ECE2: variants seen among roughly 807,000 people sequenced by gnomAD.
The protein encoded by ECE2 is endothelin converting enzyme 2.
In ECE2, 81 loss-of-function variants were observed where a neutral mutation model predicts 100.6. That is an observed-to-expected ratio of 0.81 (90% CI 0.67 to 0.97). ECE2 has a LOEUF of 0.97. ECE2 is among the 50% of genes least tolerant of loss of function. The pLI, the probability that ECE2 is intolerant of heterozygous loss-of-function variation, is 0.00. For synonymous variants in ECE2, 391 were observed against 391.5 expected (o/e 1.00, Z 0.02); for missense variants, 911 against 988.1 (o/e 0.92, Z 1.05).
At position 184,276,033 on chromosome 3, in the gene ECE2, G is replaced by T; in HGVS notation, c.-121G>T. The T allele has an allele frequency of 9.1e-7, 1 of 1,103,988 alleles. No individual in the cohort carries two copies. The highest frequency in any genetic ancestry group is 1.1e-6 in the Non-Finnish European group (1 of 905,524). The allele number at this position is 1,103,988 out of a possible 1,614,324, so 68.4% of individuals were successfully genotyped here. On this transcript the variant is annotated 5_prime_UTR_variant, in exon 1 of 19. Transcript: ENST00000404464. ...GGGGGGGGGCGGCCGCGGCCGAGCG[G>T]GGGTGCTGCGCGGCGGCCGTGATGG...
chr3:184,289,614 A>C lies in ECE2; in HGVS notation c.1474-27A>C. ...GTTTTGCTAGGAACCTGGGGAAGGA[A>C]ACAAACCCTTAACCTGGTCTCTTCA... On this transcript the variant is annotated intron_variant, in intron 12 of 18. Coordinates refer to ENST00000404464, the MANE Select transcript of ECE2 (RefSeq NM_001100121.2). The surrounding 1 kb of genome is among the most constrained non-coding windows in gnomAD (Gnocchi z 4.1). 6.2e-7 allele frequency: 1 copy of C among 1,613,676 alleles called. No homozygotes were observed. Among genetic ancestry groups the C allele is most frequent in the Non-Finnish European group, 8.5e-7 (1 of 1,179,634 alleles).
chr3:184,283,386 C>G (rs879696521), intron 7 of ECE2, among the ~76,000 whole-genome samples: 1 of 151,146 alleles, frequency 6.6e-6, no homozygotes, highest in Non-Finnish European at 1.5e-5. Context: ...CATGGTGAAA[C>G]CCCGTCTCTA....
rs200245984 is a variant in ECE2, at chr3:184,291,044, C to A, written c.1839C>A (p.Arg613=). ...ELTHAFDDQG[R]EYDKEGNLRP... is the part of the protein sequence containing the mutation. ...GCAAAGGTGAGTTCTCCTCAGGGCG[C>A]GAGTATGACAAAGAAGGGAACCTGC... is the stretch of plus-strand genomic sequence containing the variant. Residue 613 remains arginine, a synonymous_variant, in exon 17 of 19, where the codon CGC becomes CGA. Transcript: ENST00000404464. This position sits in a 1 kb window ranked among gnomAD's most constrained non-coding sequence, Gnocchi z 4.1. 4 of 1,565,752 alleles carry A rather than the reference C, an allele frequency of 2.6e-6. No individual in the cohort carries two copies. In the South Asian group the frequency reaches 4.8e-5, roughly 19 times the overall value.
At chr3:184,284,086 GC>G in intron 8 of ECE2, 113 bp downstream of exon 8, 1 of 1,291,944 alleles carries the variant, frequency 7.7e-7, no homozygotes, top group Non-Finnish European at 1.1e-6. Context: ...TCATTCCCTT[GC>G]TTTTCTGTGC....
Position 184,290,291 on chromosome 3 carries a change from T to G in ECE2, c.1588T>G (p.Leu530Val). 1 of 1,614,168 alleles carries G rather than the reference T, an allele frequency of 6.2e-7. No homozygotes were observed. Among genetic ancestry groups the G allele is most frequent in the South Asian group, 1.1e-5 (1 of 91,074 alleles). ...ISEDSFFQNM[L>V]NLYNFSAKVM... ...TGAAGATTCTTTCTTCCAAAACATG[T>G]TGAATTTGTACAACTTCTCTGCCAA... Residue 530 changes from leucine (L) to valine (V), a missense_variant, in exon 14 of 19, where the codon TTG becomes GTG. Coordinates refer to ENST00000404464, the MANE Select transcript of ECE2 (RefSeq NM_001100121.2).
Position 184,276,147 on chromosome 3 carries a change from C to A in ECE2, c.-7C>A. The A allele has an allele frequency of 7.1e-7, 1 of 1,404,626 alleles. No individual in the cohort carries two copies. Among genetic ancestry groups the A allele is most frequent in the East Asian group, 2.9e-5 (1 of 35,064 alleles). 87.0% of individuals were successfully genotyped at this position (1,404,626 alleles called of 1,614,324 possible). ...AGCCCTGAATCACCGCCTGGCCCGA[C>A]TCCACCATGAACGTCGCGCTGCAGG... On this transcript the variant is annotated 5_prime_UTR_variant, in exon 1 of 19. Transcript: ENST00000404464.
At chr3:184,286,748 G>A (rs1284201246) in intron 10 of ECE2, among the ~76,000 whole-genome samples, 1 of 146,122 alleles carries the variant, frequency 6.8e-6, no homozygotes, top group Non-Finnish European at 1.5e-5. Context: ...AGTGACCTGA[G>A]ACTGCGTCAT....
chr3:184,292,441 C>A lies in ECE2; in HGVS notation c.*203C>A. 1 of 609,046 alleles carries A rather than the reference C, an allele frequency of 1.6e-6. No individual in the cohort carries two copies. The highest frequency in any genetic ancestry group is 2.9e-6 in the Non-Finnish European group (1 of 348,786). 37.7% of individuals were successfully genotyped at this position (609,046 alleles called of 1,614,324 possible). On this transcript the variant is annotated 3_prime_UTR_variant, in exon 19 of 19. Transcript: ENST00000404464. ...GGGGGTGCCCCTGCCTCCAGCAGAG[C>A]CCCCACCATTCACTGTGACATCTTT...
At position 184,278,592 on chromosome 3, in the gene ECE2, C is replaced by T. The variant is rs202150158; in HGVS notation, c.816+35C>T. The T allele has an allele frequency of 8.7e-6, 14 of 1,610,282 alleles. No homozygotes were observed. In the African/African-American group the frequency reaches 1.1e-4, roughly 12 times the overall value. On this transcript the variant is annotated intron_variant, in intron 7 of 18. Transcript: ENST00000404464. ...ATCTTCCGAACCCCCATCCCTACCC[C>T]TGGCTGAGCTGGGCTGATCCCTGTT...
Position 184,290,840 on chromosome 3 carries a change from C to T in ECE2, c.1814C>T (p.Thr605Met), listed in dbSNP as rs1231165786. ...GIGVVMGHEL[T>M]HAFDDQGREY... ...GGTGTGGTCATGGGCCATGAGTTGA[C>T]GCATGCCTTTGATGACCAAGGTAGG... Residue 605 changes from threonine to methionine, a missense_variant, in exon 16 of 19, where the codon ACG (threonine) becomes ATG (methionine). Thr to Met is a moderately conservative substitution (Grantham distance 81). Coordinates refer to ENST00000404464, the MANE Select transcript of ECE2 (RefSeq NM_001100121.2). 7.4e-6 allele frequency: 12 copies of T among 1,614,052 alleles called. No individual in the cohort carries two copies. The highest frequency in any genetic ancestry group is 3.3e-5 in the Admixed American group (2 of 60,006).
rs770191908 is a variant in ECE2 at position 184,291,212 on chromosome 3, G to T, written c.2007G>T (p.Gly669=). ...TLGENIADNG[G]LKAAYNAYKA... ...GGGAGAACATTGCTGACAACGGGGG[G>T]CTGAAGGCTGCCTACAATGTGAGTG... The change falls in exon 17 of 19, where the codon GGG becomes GGT. Residue 669 remains glycine, a synonymous_variant. Transcript: ENST00000404464. This position sits in a 1 kb window ranked among gnomAD's most constrained non-coding sequence, Gnocchi z 4.1. The T allele has an allele frequency of 1.4e-5, 22 of 1,612,166 alleles. No individual in the cohort carries two copies. Among genetic ancestry groups the T allele is most frequent in the Non-Finnish European group, 8.5e-7 (1 of 1,179,116 alleles).
rs767334389 is a variant in ECE2, at chr3:184,291,641, G to C, written c.2121+202G>C. 3.7e-6 allele frequency: 2 copies of C among 538,582 alleles called. No individual in the cohort carries two copies. The highest frequency in any genetic ancestry group is 3.8e-5 in the African/African-American group (2 of 52,126). 33.4% of individuals were successfully genotyped at this position (538,582 alleles called of 1,614,324 possible). ...AAAGGCAGCCTGAAGAGGCCTGAGCGGGAGAATGCCTTGGTAGGATTTCGC... is the reference window on the plus strand; with the variant it reads ...AAAGGCAGCCTGAAGAGGCCTGAGCCGGAGAATGCCTTGGTAGGATTTCGC... On this transcript the variant is annotated intron_variant, in intron 18 of 18. Transcript: ENST00000404464. The surrounding 1 kb of genome is among the most constrained non-coding windows in gnomAD (Gnocchi z 4.1).
At chr3:184,290,752 T>G (rs781760370) in intron 15 of ECE2, 41 bp from the exon 16 acceptor site, 2 of 1,612,966 alleles carry the variant, frequency 1.2e-6, no homozygotes, top group Non-Finnish European at 1.7e-6. Context: ...GATTCAGAAG[T>G]ACCCCCGCCA....
chr3:184,290,482 G>A (rs984101032), intron 14 of ECE2, 75 bp from the exon 15 acceptor site: 91 of 1,564,066 alleles, frequency 5.8e-5, no homozygotes, highest in Non-Finnish European at 7.8e-5. Context: ...CTTGCAGGAG[G>A]TAGGGCAGGG....
chr3:184,287,413 C>G (rs760829848), intron 10 of ECE2, among the ~76,000 whole-genome samples: 1 of 150,384 alleles, frequency 6.6e-6, no homozygotes, highest in Admixed American at 6.6e-5. Context: ...AGTTGTGGGC[C>G]GGGCACGGTG....
At chr3:184,276,609 T>G (rs1349544194) in intron 2 of ECE2, 42 bp downstream of exon 2, 2 of 1,592,498 alleles carry the variant, frequency 1.3e-6, no homozygotes, top group Non-Finnish European at 1.7e-6. Context: ...GCCCCAGCCC[T>G]GGCATGACGC....
intron 1 of ECE2, 77 bp downstream of exon 1, chr3:184,276,269 C>CA: frequency 7.0e-7 from 1 of 1,427,332 alleles, no homozygotes; most frequent in South Asian, 1.4e-5. Flanking sequence ...CGCGGAGGGG[C>CA]AGGCGGTGCC....
Position 184,290,211 on chromosome 3 carries a change from A to G in ECE2, c.1552-44A>G, listed in dbSNP as rs757124724. On this transcript the variant is annotated intron_variant, in intron 13 of 18. Coordinates refer to ENST00000404464, the MANE Select transcript of ECE2 (RefSeq NM_001100121.2). ...CCAAACTGGCGCTATTATCTTCTCC[A>G]ATGGATTCTCTTGCTCTCTTTCTAC... 5.9e-6 allele frequency: 9 copies of G among 1,523,910 alleles called. No individual in the cohort carries two copies. In the South Asian group the frequency reaches 1.0e-4, roughly 18 times the overall value. The allele number at this position is 1,523,910 out of a possible 1,614,324, so 94.4% of individuals were successfully genotyped here.
rs1720527355 is a variant in ECE2 at position 184,276,049 on chromosome 3, G to GC, written c.-103dup. ...GGCCGAGCGGGGGTGCTGCGCGGCG[G>GC]CCGTGATGGCTGGTGACGGCGGGGC... On this transcript the variant is annotated 5_prime_UTR_variant, in exon 1 of 19. Coordinates refer to ENST00000404464, the MANE Select transcript of ECE2 (RefSeq NM_001100121.2). 8.6e-7 allele frequency: 1 copy of GC among 1,161,194 alleles called. No individual in the cohort carries two copies. Among genetic ancestry groups the GC allele is most frequent in the Non-Finnish European group, 1.1e-6 (1 of 942,232 alleles). 71.9% of individuals were successfully genotyped at this position (1,161,194 alleles called of 1,614,324 possible).
Sources: allele counts gnomAD v4.1 joint callset (sites outside exome capture counted in the v4.1 genomes callset), GRCh38; gene constraint gnomAD v4.1.1; non-coding constraint Gnocchi (gnomAD v3.1); transcripts MANE v1.5; gene names NCBI Gene and HGNC (gene_info 2026-07-23, HGNC 2026-07-21).